Variants in LGALS13 observed in about 807,000 individuals in gnomAD.
The protein encoded by LGALS13 is galactoside-binding soluble lectin 13.
In LGALS13, 11 loss-of-function variants were observed where a neutral mutation model predicts 13.2. That is an observed-to-expected ratio of 0.83 (90% CI 0.52 to 1.38). The LOEUF is 1.38. Among genes scored for constraint, LGALS13 ranks in the 40% most tolerant of loss-of-function variants. LGALS13 has a pLI of 0.00. For synonymous variants in LGALS13, 71 were observed against 63.7 expected (o/e 1.11, Z -0.54); for missense variants, 183 against 174.3 (o/e 1.05, Z -0.28).
At chr19:39,605,476 T>A (rs1972673936) in intron 3 of LGALS13, 88 bp downstream of exon 3, 2 of 1,083,238 alleles carry the variant, frequency 1.8e-6, no homozygotes, top group Non-Finnish European at 2.8e-6. Context: ...CAGTAGTCCG[T>A]CAGGGTCCAT....
In LGALS13 at chr19:39,604,591, T is replaced by A. The variant is rs527409570; in HGVS notation, c.16-11T>A. On this transcript the variant is annotated splice_polypyrimidine_tract_variant and intron_variant, in intron 1 of 3. Coordinates refer to ENST00000221797, the MANE Select transcript of LGALS13 (RefSeq NM_013268.3). ...CCCTGCACCTCTCACTTACTCTCAA[T>A]ACTCTGGCAGGTGCCATACAAACTG... The A allele has an allele frequency of 5.5e-5, 89 of 1,614,102 alleles. 1 individual carries two copies. The South Asian group carries it at 9.4e-4, about 17-fold the overall frequency.
At chr19:39,605,119 C>A (rs113419268) in intron 2 of LGALS13, 59 bp from the exon 3 acceptor site, 3 of 1,349,548 alleles carry the variant, frequency 2.2e-6, no homozygotes, top group Non-Finnish European at 3.2e-6. Context: ...GTGTGTGTGT[C>A]GAGTGTGTGT....
At chr19:39,604,780 A>T in intron 2 of LGALS13, 102 bp downstream of exon 2, 1 of 1,398,808 alleles carries the variant, frequency 7.1e-7, no homozygotes, top group Non-Finnish European at 1.0e-6. Context: ...TAGTTGGCAG[A>T]ATGGAGGCCC....
intron 1 of LGALS13, 128 bp from the exon 2 acceptor site, chr19:39,604,474 A>G: frequency 2.0e-6 from 2 of 1,007,762 alleles, no homozygotes; most frequent in Non-Finnish European, 3.1e-6. Context: ...TGAATGCGGT[A>G]GGGTTAAAGA....
intron 3 of LGALS13, among the ~76,000 whole-genome samples, chr19:39,605,752 A>C (rs1019869238): frequency 1.4e-4 from 22 of 152,222 alleles, no homozygotes; most frequent in African/African-American, 4.8e-4. Flanking sequence ...TCACAAATTA[A>C]GTCTTTGTCT....
chr19:39,604,485 GGA>G, intron 1 of LGALS13, 115 bp from the exon 2 acceptor site: 1 of 1,125,662 alleles, frequency 8.9e-7, no homozygotes, highest in East Asian at 2.4e-5. Context: ...GGGTTAAAGA[GGA>G]GAGTCCACAG....
chr19:39,603,430 C>T lies in LGALS13; in HGVS notation c.15+847C>T, dbSNP rs564205818. On this transcript the variant is annotated intron_variant, in intron 1 of 3. Coordinates refer to ENST00000221797, the MANE Select transcript of LGALS13 (RefSeq NM_013268.3). ...TTTGTTAGGGAAGGACATTAGAGGC[C>T]GTGATTTCAGAGACTGAATCACACA... 1.8e-4 allele frequency among the ~76,000 whole-genome samples: 28 copies of T among 151,822 alleles called. No individual in the cohort carries two copies. In the South Asian group the frequency reaches 4.8e-3, roughly 26 times the overall value.
rs754437589 is a variant in LGALS13 at position 39,605,312 on chromosome 19, A to G, written c.227A>G (p.Glu76Gly). 28 of 1,614,040 alleles carry G rather than the reference A, an allele frequency of 1.7e-5. No individual in the cohort carries two copies. The Admixed American group carries it at 4.7e-4, about 27-fold the overall frequency. ...GAGTTTGGGATATGGATGTTGGAGG[A>G]GACAACAGACTACGTGCCCTTTGAG... ...RREFGIWMLEETTDYVPFEDG... is the reference protein window; with the variant it reads ...RREFGIWMLEGTTDYVPFEDG... The change falls in exon 3 of 4, where the codon GAG becomes GGG. Residue 76 changes from glutamate to glycine, a missense_variant. Physicochemically the swap from Glu to Gly is moderately conservative, Grantham distance 98. Coordinates refer to ENST00000221797, the MANE Select transcript of LGALS13 (RefSeq NM_013268.3).
Position 39,605,252 on chromosome 19 carries a change from T to G in LGALS13, c.167T>G (p.Val56Gly). Residue 56 changes from valine (V) to glycine (G), a missense_variant, in exon 3 of 4, where the codon GTG becomes GGG. Coordinates refer to ENST00000221797, the MANE Select transcript of LGALS13 (RefSeq NM_013268.3). ...EDSDIAFRFR[V>G]HFGNHVVMNR... is the part of the protein sequence containing the mutation. ...TCAGATATTGCCTTCCGTTTCCGAG[T>G]GCACTTTGGCAATCATGTGGTCATG... 2 of 1,614,222 alleles carry G rather than the reference T, an allele frequency of 1.2e-6. No homozygotes were observed. Among genetic ancestry groups the G allele is most frequent in the East Asian group, 2.2e-5 (1 of 44,884 alleles).
At chr19:39,604,510 C>T in intron 1 of LGALS13, 92 bp from the exon 2 acceptor site, 1 of 1,425,700 alleles carries the variant, frequency 7.0e-7, no homozygotes, top group Non-Finnish European at 9.8e-7. Context: ...TCTGCCCTTT[C>T]ATCTCCAACC....
chr19:39,603,721 T>C (rs991750449), intron 1 of LGALS13, among the ~76,000 whole-genome samples: 1 of 152,056 alleles, frequency 6.6e-6, no homozygotes, highest in Admixed American at 6.5e-5. Context: ...GAGAGGCAGG[T>C]ACCTTTCTTC....
chr19:39,604,884 C>T (rs1972658989), intron 2 of LGALS13, among the ~76,000 whole-genome samples: 1 of 152,182 alleles, frequency 6.6e-6, no homozygotes, highest in African/African-American at 2.4e-5. Flanking sequence ...AGGAGGAGAA[C>T]ACTCAGTGGG....
intron 2 of LGALS13, among the ~76,000 whole-genome samples, 183 bp downstream of exon 2, chr19:39,604,861 C>A (rs766617392): frequency 2.6e-5 from 4 of 152,210 alleles, no homozygotes; most frequent in Non-Finnish European, 5.9e-5. Flanking sequence ...TGTGGGCCAG[C>A]CATGGGGCCT....
At chr19:39,606,551 A>G (rs775896398) in intron 3 of LGALS13, among the ~76,000 whole-genome samples, 1 of 152,246 alleles carries the variant, frequency 6.6e-6, no homozygotes, top group Non-Finnish European at 1.5e-5. Context: ...CGAAAAATTA[A>G]TACTAATAAG....
At position 39,604,644 on chromosome 19, in the gene LGALS13, G is replaced by A. The variant is rs144073292; in HGVS notation, c.58G>A (p.Val20Met). The A allele has an allele frequency of 4.9e-4, 784 of 1,614,178 alleles. 3 individuals are homozygous for A. In the African/African-American group the frequency reaches 5.0e-3, roughly 10 times the overall value. ...TGTGTCTTTGTCTGTTGGTTCCTGC[G>A]TGATAATCAAAGGGACACCAATCCA... is the stretch of plus-strand genomic sequence containing the variant. The part of the protein sequence containing the change: ...LPVSLSVGSC[V>M]IIKGTPIHSF... Residue 20 changes from valine to methionine, a missense_variant, in exon 2 of 4, where the codon GTG (valine) becomes ATG (methionine). Transcript: ENST00000221797.
chr19:39,604,987 G>A, intron 2 of LGALS13, 191 bp from the exon 3 acceptor site: 3 of 683,378 alleles, frequency 4.4e-6, no homozygotes, highest in Admixed American at 4.2e-5. Context: ...GTTTTCATCT[G>A]GGGATGAGGA....
At chr19:39,605,475 G>T in intron 3 of LGALS13, 87 bp downstream of exon 3, 1 of 1,112,236 alleles carries the variant, frequency 9.0e-7, no homozygotes. Context: ...TCAGTAGTCC[G>T]TCAGGGTCCA....
At position 39,607,378 on chromosome 19, in the gene LGALS13, TTTC is replaced by T. The variant is rs1246113872; in HGVS notation, c.*41_*43del. 1 of 1,309,584 alleles carries T rather than the reference TTTC, an allele frequency of 7.6e-7. No individual in the cohort carries two copies. Among genetic ancestry groups the T allele is most frequent in the East Asian group, 2.3e-5 (1 of 43,516 alleles). 81.1% of individuals were successfully genotyped at this position (1,309,584 alleles called of 1,614,324 possible). A position where few individuals can be genotyped will look rare whatever the true frequency, so the allele number is the denominator to read the frequency against. On this transcript the variant is annotated 3_prime_UTR_variant, in exon 4 of 4. Coordinates refer to ENST00000221797, the MANE Select transcript of LGALS13 (RefSeq NM_013268.3). Reference sequence around the variant, plus strand: ...ACTCCTCATTGTTGAGGAATCCCTCTTTCTACCTGACCATGGGATTCCCAGAAC... The same window carrying T: ...ACTCCTCATTGTTGAGGAATCCCTCTTACCTGACCATGGGATTCCCAGAAC...
intron 1 of LGALS13, among the ~76,000 whole-genome samples, chr19:39,603,661 G>A (rs555198458): frequency 1.3e-4 from 20 of 152,062 alleles, no homozygotes; most frequent in African/African-American, 4.6e-4. Context: ...ACCAGTCTGG[G>A]TATCAGAGTG....
Sources: allele counts gnomAD v4.1 joint callset (sites outside exome capture counted in the v4.1 genomes callset), GRCh38; gene constraint gnomAD v4.1.1; transcripts MANE v1.5; gene names NCBI Gene and HGNC (gene_info 2026-07-23, HGNC 2026-07-21).